Variants in ASIC2 observed in about 807,000 individuals in gnomAD.
ASIC2 encodes the protein acid-sensing ion channel 2.
A neutral mutation model predicts 57.3 loss-of-function variants in ASIC2; 25 were observed. That is an observed-to-expected ratio of 0.44 (90% CI 0.32 to 0.61). ASIC2 has a LOEUF of 0.61. ASIC2 is among the 20% of genes least tolerant of loss of function. The probability of loss-of-function intolerance (pLI) is 0.06; values close to 1 mark genes in which losing one functional copy is unlikely to be tolerated. For synonymous variants in ASIC2, 319 were observed against 307.5 expected (o/e 1.04, Z -0.39); for missense variants, 641 against 738.1 (o/e 0.87, Z 1.52).
chr17:33,014,425 T>C (rs2091795136), intron 9 of ASIC2, among the ~76,000 whole-genome samples: 1 of 151,994 alleles, frequency 6.6e-6, no homozygotes, highest in African/African-American at 2.4e-5. Flanking sequence ...CTCGGGGCTA[T>C]GGTGCAGGAA....
At chr17:33,178,143 G>A (rs1905835261) in intron 1 of ASIC2, among the ~76,000 whole-genome samples, 1 of 152,142 alleles carries the variant, frequency 6.6e-6, no homozygotes, top group South Asian at 2.1e-4. Context: ...TAAGAGAATA[G>A]ATTTTAGGTG....
intron 1 of ASIC2, chr17:33,290,699 G>T (rs1905387263): frequency 6.6e-6 from 1 of 152,244 alleles, no homozygotes; most frequent in Admixed American, 6.5e-5. Context: ...CGGAGGCCAG[G>T]TGAAGGGCCC....
intron 1 of ASIC2, among the ~76,000 whole-genome samples, chr17:33,664,046 C>A (rs1470256421): frequency 2.0e-5 from 3 of 152,128 alleles, no homozygotes; most frequent in Admixed American, 2.0e-4. Context: ...TGAAATGCGT[C>A]CTATAAAATT....
At position 33,024,154 on chromosome 17, in the gene ASIC2, G is replaced by A. The variant is rs532543706; in HGVS notation, c.1196-140C>T. On this transcript the variant is annotated intron_variant, in intron 5 of 9. Transcript: ENST00000225823. ...GGGAAAGTGAGGGGCAGGGATTGTGGAGAGAGGGGAACTGGGCTTTTGCTG... is the reference window on the plus strand; with the variant it reads ...GGGAAAGTGAGGGGCAGGGATTGTGAAGAGAGGGGAACTGGGCTTTTGCTG... 8.1e-6 allele frequency: 9 copies of A among 1,116,526 alleles called. No homozygotes were observed. The East Asian group carries it at 1.2e-4, about 15-fold the overall frequency. 69.2% of individuals were successfully genotyped at this position (1,116,526 alleles called of 1,614,324 possible).
At chr17:33,950,965 C>T (rs560822497) in intron 1 of ASIC2, among the ~76,000 whole-genome samples, 1 of 152,140 alleles carries the variant, frequency 6.6e-6, no homozygotes, top group Non-Finnish European at 1.5e-5. Context: ...GATTTAGTCC[C>T]TCATTTGTCC....
chr17:33,376,816 T>A (rs1445063937), intron 1 of ASIC2, among the ~76,000 whole-genome samples: 1 of 152,174 alleles, frequency 6.6e-6, no homozygotes, highest in Non-Finnish European at 1.5e-5. Flanking sequence ...ATCATCATCA[T>A]CATCATCTCA....
At chr17:33,611,775 C>T (rs1021446553) in intron 1 of ASIC2, among the ~76,000 whole-genome samples, 1 of 152,238 alleles carries the variant, frequency 6.6e-6, no homozygotes, top group African/African-American at 2.4e-5. Context: ...AGGAGAGTCA[C>T]ATGACCAAGG....
intron 1 of ASIC2, among the ~76,000 whole-genome samples, chr17:33,583,012 C>G (rs1008414561): frequency 2.0e-5 from 3 of 152,186 alleles, no homozygotes; most frequent in Non-Finnish European, 4.4e-5. Flanking sequence ...TGGGCTGGCT[C>G]TCACCCTGCC....
rs1022886883 is a variant in ASIC2 at position 33,917,893 on chromosome 17, C to A, written c.555+238085G>T. On this transcript the variant is annotated intron_variant, in intron 1 of 9. Coordinates refer to the ASIC2 transcript ENST00000359872. ...ACACACACACACACGTGCATGTGCA[C>A]ACACACACACACACACACACAGGTA... is the stretch of plus-strand genomic sequence containing the variant. Among the ~76,000 whole-genome samples, 10 of 141,064 alleles carry A rather than the reference C, an allele frequency of 7.1e-5. 1 individual carries two copies. The highest frequency in any genetic ancestry group is 2.9e-4 in the African/African-American group (10 of 34,556). 92.5% of individuals were successfully genotyped at this position (141,064 alleles called of 152,430 possible).
intron 1 of ASIC2, among the ~76,000 whole-genome samples, chr17:33,904,163 C>CAAAAAAAA (rs769795292): frequency 3.4e-4 from 19 of 55,834 alleles, no homozygotes; most frequent in African/African-American, 4.4e-4. Context: ...AACTCCGTCT[C>CAAAAAAAA]AAAAAAAAAA....
chr17:33,374,071 C>CA (rs1909186998), intron 1 of ASIC2, among the ~76,000 whole-genome samples: 1 of 152,178 alleles, frequency 6.6e-6, no homozygotes, highest in Non-Finnish European at 1.5e-5. Context: ...TCTTGGCTCG[C>CA]TGCAACCACC....
At chr17:33,739,934 A>G (rs1280213338) in intron 1 of ASIC2, among the ~76,000 whole-genome samples, 1 of 149,872 alleles carries the variant, frequency 6.7e-6, no homozygotes, top group Non-Finnish European at 1.5e-5. Context: ...GAAAGAAAAA[A>G]GAGAAAGAAA....
chr17:33,319,161 C>T (rs1445109127), intron 1 of ASIC2, among the ~76,000 whole-genome samples: 1 of 152,158 alleles, frequency 6.6e-6, no homozygotes, highest in Admixed American at 6.5e-5. Flanking sequence ...ACCCGGGATG[C>T]GGAGCTTGCA....
At chr17:33,450,568 G>A (rs529643061) in intron 1 of ASIC2, among the ~76,000 whole-genome samples, 7 of 152,310 alleles carry the variant, frequency 4.6e-5, no homozygotes, top group African/African-American at 1.7e-4. Flanking sequence ...GGAGATGGAT[G>A]GTGGTGATGG....
chr17:33,750,485 C>T (rs1483987066), intron 1 of ASIC2, among the ~76,000 whole-genome samples: 2 of 152,070 alleles, frequency 1.3e-5, no homozygotes, highest in East Asian at 3.9e-4. Context: ...CCTTTACATT[C>T]CAGAAATAAC....
intron 1 of ASIC2, among the ~76,000 whole-genome samples, chr17:33,356,042 A>G (rs957666801): frequency 1.3e-5 from 2 of 152,166 alleles, no homozygotes; most frequent in Admixed American, 1.3e-4. Flanking sequence ...GTAGGAGACA[A>G]CCCAGAGTAG....
chr17:34,046,354 G>A (rs146553922), intron 1 of ASIC2, among the ~76,000 whole-genome samples: 2 of 152,338 alleles, frequency 1.3e-5, no homozygotes, highest in Non-Finnish European at 2.9e-5. Flanking sequence ...AAAGGCTGGT[G>A]ACTATAGTTA....
chr17:33,148,822 G>T (rs564389818), intron 1 of ASIC2, among the ~76,000 whole-genome samples: 5 of 152,148 alleles, frequency 3.3e-5, no homozygotes, highest in African/African-American at 1.2e-4. Flanking sequence ...GGCCAGGTGC[G>T]CTGGCTCACA....
At chr17:33,757,340 G>C (rs1910635613) in intron 1 of ASIC2, among the ~76,000 whole-genome samples, 1 of 152,208 alleles carries the variant, frequency 6.6e-6, no homozygotes, top group South Asian at 2.1e-4. Flanking sequence ...AAGTTTCCCA[G>C]GGTAGGCATG....
Sources: gnomAD v4.1 joint callset for allele counts (sites outside exome capture counted in the v4.1 genomes callset) on GRCh38, gnomAD v4.1.1 for gene constraint, MANE v1.5 for transcripts, NCBI Gene and HGNC (gene_info 2026-07-23, HGNC 2026-07-21) for gene names.